Variants in RBL1 observed in about 807,000 individuals in gnomAD.
RBL1 encodes the protein retinoblastoma-like protein 1.
RBL1 carries 82 observed loss-of-function variants against 123.0 expected under a neutral mutation model. That is an observed-to-expected ratio of 0.67 (90% CI 0.56 to 0.80). RBL1 has a LOEUF of 0.80. Ranked by LOEUF, RBL1 falls within the 30% of genes least tolerant of loss-of-function variation. The pLI is 0.00. For missense variants in RBL1, 1,171 were observed against 1,299.6 expected (o/e 0.90, Z 1.52); for synonymous variants, 405 against 441.3 (o/e 0.92, Z 1.03).
intron 7 of RBL1, among the ~76,000 whole-genome samples, chr20:37,063,191 C>T (rs2146297204): frequency 6.6e-6 from 1 of 152,290 alleles, no homozygotes; most frequent in Middle Eastern, 3.4e-3. Flanking sequence ...AATTCTCCTG[C>T]CTTAGCCTCC....
chr20:37,071,117 A>ACTC (rs1239811231), intron 2 of RBL1, among the ~76,000 whole-genome samples: 1 of 151,496 alleles, frequency 6.6e-6, no homozygotes, highest in African/African-American at 2.4e-5. Flanking sequence ...ATGGTCTTGA[A>ACTC]CTCCTGACCT....
chr20:37,012,163 T>C (rs1363899683), intron 19 of RBL1, among the ~76,000 whole-genome samples: 1 of 152,334 alleles, frequency 6.6e-6, no homozygotes, highest in African/African-American at 2.4e-5. Flanking sequence ...GTTCACTCAG[T>C]GCTCAATGGT....
intron 21 of RBL1, among the ~76,000 whole-genome samples, chr20:36,999,530 C>T (rs1328898126): frequency 6.6e-6 from 1 of 151,946 alleles, no homozygotes; most frequent in Non-Finnish European, 1.5e-5. Flanking sequence ...CACGGTCTCC[C>T]CCTGATGCCG....
intron 11 of RBL1, chr20:37,049,158 T>C (rs1452014718): frequency 7.3e-6 from 2 of 275,226 alleles, no homozygotes; most frequent in Non-Finnish European, 1.4e-5. Context: ...GCCGAGGTCA[T>C]GCTACTGCAC....
intron 14 of RBL1, among the ~76,000 whole-genome samples, chr20:37,039,948 C>A (rs1408044347): frequency 6.6e-6 from 1 of 151,952 alleles, no homozygotes; most frequent in African/African-American, 2.4e-5. Context: ...ATTTAAAATT[C>A]TATTAATATA....
chr20:37,064,868 G>A (rs551175733), intron 7 of RBL1, among the ~76,000 whole-genome samples: 65 of 151,204 alleles, frequency 4.3e-4, no homozygotes, highest in Admixed American at 1.7e-3. Context: ...TCAAGTGATC[G>A]GCCCGCCTTG....
intron 18 of RBL1, 42 bp downstream of exon 18, chr20:37,020,617 G>A: frequency 7.6e-7 from 1 of 1,323,814 alleles, no homozygotes; most frequent in Admixed American, 2.2e-5. Context: ...GTGGAAAAGA[G>A]TAAATCTATT....
At chr20:37,013,545 G>A (rs2064199781) in intron 19 of RBL1, among the ~76,000 whole-genome samples, 1 of 146,226 alleles carries the variant, frequency 6.8e-6, no homozygotes, top group South Asian at 2.1e-4. Context: ...CTATGACCCT[G>A]CCAAATCTCC....
chr20:37,070,341 G>A (rs1326869310), intron 2 of RBL1, among the ~76,000 whole-genome samples: 2 of 152,110 alleles, frequency 1.3e-5, no homozygotes, highest in African/African-American at 2.4e-5. Context: ...GCGGAAGGCC[G>A]CAGGGTCCTC....
intron 2 of RBL1, among the ~76,000 whole-genome samples, chr20:37,075,309 C>A (rs1004815453): frequency 6.6e-6 from 1 of 151,986 alleles, no homozygotes; most frequent in South Asian, 2.1e-4. Flanking sequence ...TGTGAAAATA[C>A]AAAAAACCAT....
chr20:37,072,162 G>C (rs2146312035), intron 2 of RBL1, among the ~76,000 whole-genome samples: 1 of 152,182 alleles, frequency 6.6e-6, no homozygotes, highest in African/African-American at 2.4e-5. Flanking sequence ...CTCCCTTACA[G>C]AGGACTTTAA....
intron 17 of RBL1, 103 bp downstream of exon 17, chr20:37,022,547 G>A (rs2064357094): frequency 1.2e-5 from 13 of 1,120,352 alleles, no homozygotes; most frequent in South Asian, 8.3e-5. Context: ...AGCTGGTCTC[G>A]AAATCCTGGG....
chr20:37,007,603 A>G, intron 19 of RBL1, 44 bp from the exon 20 acceptor site: 1 of 1,592,586 alleles, frequency 6.3e-7, no homozygotes, highest in Non-Finnish European at 8.5e-7. Flanking sequence ...CATACTTTTT[A>G]TTTTTTTGAG....
intron 7 of RBL1, among the ~76,000 whole-genome samples, chr20:37,064,612 A>C (rs1354936910): frequency 6.7e-6 from 1 of 148,376 alleles, no homozygotes; most frequent in Non-Finnish European, 1.5e-5. Flanking sequence ...AGTATCAATA[A>C]TTTTTTTTTT....
chr20:37,062,722 G>A (rs2065115956), intron 7 of RBL1, among the ~76,000 whole-genome samples: 1 of 151,054 alleles, frequency 6.6e-6, no homozygotes, highest in Admixed American at 6.6e-5. Context: ...TTGGGAGGCC[G>A]AGGCGGGCAG....
At chr20:37,055,719 A>C (rs553241816) in intron 10 of RBL1, 63 bp from the exon 11 acceptor site, 1 of 1,423,136 alleles carries the variant, frequency 7.0e-7, no homozygotes, top group East Asian at 2.3e-5. Context: ...ACTGAAAAGC[A>C]AAAATTATAT....
rs768736077 is a variant in RBL1, at chr20:37,065,522, TACAC to T, written c.847-53_847-50del. On this transcript the variant is annotated intron_variant, in intron 6 of 21. Transcript: ENST00000373664. The stretch of plus-strand genomic sequence containing the variant: ...GACACCATATAATTAAGCATATTAA[TACAC>T]ACACAAACGTGAAATTTATCTAAAT... 16 of 1,236,166 alleles carry T rather than the reference TACAC, an allele frequency of 1.3e-5. No individual in the cohort carries two copies. In the South Asian group the frequency reaches 1.9e-4, roughly 14 times the overall value. 76.6% of individuals were successfully genotyped at this position (1,236,166 alleles called of 1,614,324 possible). A position where few individuals can be genotyped will look rare whatever the true frequency, so the allele number is the denominator to read the frequency against.
chr20:37,055,535 G>C lies in RBL1; in HGVS notation c.1467+18C>G, dbSNP rs1392648064. On this transcript the variant is annotated intron_variant, in intron 11 of 21. Transcript: ENST00000373664. ...ACTTTTGGACCTTGCCAGTAGCTCA[G>C]AGAGTGGATTTACTTACTGACATGT... 1 of 1,613,774 alleles carries C rather than the reference G, an allele frequency of 6.2e-7. No individual in the cohort carries two copies.
chr20:37,020,296 C>A (rs1488832107), intron 18 of RBL1, among the ~76,000 whole-genome samples: 1 of 151,950 alleles, frequency 6.6e-6, no homozygotes, highest in Non-Finnish European at 1.5e-5. Context: ...ACCATATTGG[C>A]CAGGCTGGTC....
Sources: gnomAD v4.1 joint callset for allele counts (sites outside exome capture counted in the v4.1 genomes callset) on GRCh38, gnomAD v4.1.1 for gene constraint, MANE v1.5 for transcripts, NCBI Gene and HGNC (gene_info 2026-07-23, HGNC 2026-07-21) for gene names.